Variants in SPATA16 observed in about 807,000 individuals in gnomAD.
The protein encoded by SPATA16 is spermatogenesis associated 16.
In SPATA16, 36 loss-of-function variants were observed where a neutral mutation model predicts 63.3. That is an observed-to-expected ratio of 0.57 (90% CI 0.44 to 0.75). The LOEUF (loss-of-function observed/expected upper bound fraction) is 0.75. SPATA16 is among the 30% of genes least tolerant of loss of function. SPATA16 has a pLI of 0.00. For missense variants in SPATA16, 646 were observed against 679.3 expected, an observed-to-expected ratio of 0.95 and a Z score of 0.54; for synonymous variants, 203 against 216.7, an observed-to-expected ratio of 0.94 and a Z score of 0.56.
chr3:172,904,741 G>A (rs760937066), intron 10 of SPATA16, among the ~76,000 whole-genome samples: 1 of 152,198 alleles, frequency 6.6e-6, no homozygotes, highest in Non-Finnish European at 1.5e-5. Flanking sequence ...TAGATTTGGA[G>A]CATTGGACTG....
At chr3:172,998,879 A>C (rs1734753399) in intron 4 of SPATA16, among the ~76,000 whole-genome samples, 1 of 152,164 alleles carries the variant, frequency 6.6e-6, no homozygotes, top group Non-Finnish European at 1.5e-5. Context: ...TTATTTTTCT[A>C]TACCTGGAAT....
At chr3:172,895,665 G>A (rs928842307) in intron 10 of SPATA16, among the ~76,000 whole-genome samples, 1 of 151,992 alleles carries the variant, frequency 6.6e-6, no homozygotes, top group Non-Finnish European at 1.5e-5. Context: ...TTTTGTTATT[G>A]CAAGAAGTTT....
intron 4 of SPATA16, among the ~76,000 whole-genome samples, chr3:173,013,579 CGGGA>C (rs1735118162): frequency 6.6e-6 from 1 of 152,134 alleles, no homozygotes; most frequent in African/African-American, 2.4e-5. Flanking sequence ...GATACAGAGG[CGGGA>C]CAAAGACAGT....
intron 5 of SPATA16, among the ~76,000 whole-genome samples, chr3:172,960,875 C>CTCTCTT (rs1553786232): frequency 7.0e-6 from 1 of 142,182 alleles, no homozygotes; most frequent in African/African-American, 2.7e-5. Flanking sequence ...CTTTCTTTCT[C>CTCTCTT]TCTTTCTTTC....
intron 3 of SPATA16, among the ~76,000 whole-genome samples, chr3:173,024,149 A>G (rs1470487111): frequency 6.6e-6 from 1 of 151,554 alleles, no homozygotes; most frequent in East Asian, 1.9e-4. Context: ...ATAGCATAGC[A>G]TTTAAACATG....
intron 2 of SPATA16, among the ~76,000 whole-genome samples, chr3:173,066,543 C>G (rs1241368166): frequency 1.3e-5 from 2 of 152,176 alleles, no homozygotes; most frequent in East Asian, 3.9e-4. Flanking sequence ...TTATCTTACT[C>G]AAGTCCACTA....
intron 4 of SPATA16, among the ~76,000 whole-genome samples, chr3:172,979,096 G>A (rs914502624): frequency 6.6e-6 from 1 of 152,266 alleles, no homozygotes; most frequent in Admixed American, 6.5e-5. Flanking sequence ...AATTAGCCAC[G>A]TGTGGCGGCG....
intron 10 of SPATA16, among the ~76,000 whole-genome samples, chr3:172,912,482 C>T (rs1337195242): frequency 6.6e-6 from 1 of 152,010 alleles, no homozygotes; most frequent in African/African-American, 2.4e-5. Flanking sequence ...GACTCTTGAG[C>T]AACATGGGTT....
intron 6 of SPATA16, among the ~76,000 whole-genome samples, chr3:172,942,308 A>G (rs942336946): frequency 1.3e-5 from 2 of 152,186 alleles, no homozygotes; most frequent in Non-Finnish European, 2.9e-5. Flanking sequence ...AGTCAGCTGT[A>G]TGTCATTTTT....
intron 8 of SPATA16, among the ~76,000 whole-genome samples, chr3:172,919,357 G>A (rs1732569596): frequency 6.6e-6 from 1 of 152,166 alleles, no homozygotes; most frequent in Admixed American, 6.5e-5. Flanking sequence ...ATGGGGTTGA[G>A]GTTCAGTAGG....
chr3:173,045,086 C>G (rs1735927178), intron 3 of SPATA16, among the ~76,000 whole-genome samples: 1 of 152,070 alleles, frequency 6.6e-6, no homozygotes, highest in African/African-American at 2.4e-5. Flanking sequence ...AATCTCTTTC[C>G]TCACATGCAT....
At chr3:173,078,723 G>C (rs943200166) in intron 2 of SPATA16, among the ~76,000 whole-genome samples, 6 of 152,114 alleles carry the variant, frequency 3.9e-5, no homozygotes, top group Non-Finnish European at 8.8e-5. Context: ...AGTGATATCA[G>C]AACAAGCCAG....
intron 1 of SPATA16, among the ~76,000 whole-genome samples, chr3:173,119,418 A>G (rs561849573): frequency 3.9e-5 from 6 of 152,296 alleles, no homozygotes; most frequent in African/African-American, 1.4e-4. Context: ...CCTTTGAAGT[A>G]CTTTCCCCCT....
chr3:172,972,713 G>A (rs1314028884), intron 5 of SPATA16, among the ~76,000 whole-genome samples: 1 of 152,048 alleles, frequency 6.6e-6, no homozygotes, highest in Non-Finnish European at 1.5e-5. Flanking sequence ...TAAATGAGGT[G>A]ACCGAAGTCA....
intron 5 of SPATA16, among the ~76,000 whole-genome samples, chr3:172,957,048 G>A (rs1490886731): frequency 1.3e-5 from 2 of 151,984 alleles, no homozygotes; most frequent in African/African-American, 4.8e-5. Flanking sequence ...TTGTAAACAG[G>A]CACCTCTAAA....
intron 4 of SPATA16, among the ~76,000 whole-genome samples, chr3:172,985,440 A>G (rs1393392152): frequency 6.6e-6 from 1 of 152,218 alleles, no homozygotes; most frequent in Non-Finnish European, 1.5e-5. Context: ...GTATGAAGAC[A>G]TGATGCCGAT....
intron 3 of SPATA16, among the ~76,000 whole-genome samples, chr3:173,037,060 G>A (rs1260216738): frequency 6.6e-6 from 1 of 151,878 alleles, no homozygotes; most frequent in African/African-American, 2.4e-5. Flanking sequence ...ATTATATAAT[G>A]TTTAAAAATA....
At chr3:172,997,286 T>C (rs921330094) in intron 4 of SPATA16, among the ~76,000 whole-genome samples, 3 of 152,084 alleles carry the variant, frequency 2.0e-5, no homozygotes, top group Non-Finnish European at 2.9e-5. Flanking sequence ...GTTGTCAGTG[T>C]TTTGGATTTT....
At chr3:172,990,793 A>G (rs1176873890) in intron 4 of SPATA16, among the ~76,000 whole-genome samples, 1 of 152,178 alleles carries the variant, frequency 6.6e-6, no homozygotes, top group Admixed American at 6.6e-5. Context: ...TGCCTTGCTC[A>G]TATCTCTCAT....
Sources: allele counts gnomAD v4.1 joint callset (sites outside exome capture counted in the v4.1 genomes callset), GRCh38; gene constraint gnomAD v4.1.1; transcripts MANE v1.5; gene names NCBI Gene and HGNC (gene_info 2026-07-23, HGNC 2026-07-21).